Variants in ZNF106 observed in about 807,000 individuals in gnomAD.
ZNF106 encodes SH3-domain binding protein 3.
In ZNF106, 67 loss-of-function variants were observed where a neutral mutation model predicts 195.1. The observed-to-expected ratio is 0.34, with a 90% CI of 0.28 to 0.42. The LOEUF is 0.42. Ranked by LOEUF, ZNF106 falls within the 10% of genes least tolerant of loss-of-function variation. The pLI, the probability that ZNF106 is intolerant of heterozygous loss-of-function variation, is 1.00. For synonymous variants in ZNF106, 784 were observed against 818.6 expected, an observed-to-expected ratio of 0.96 and a Z score of 0.72; for missense variants, 2,118 against 2,304.5, an observed-to-expected ratio of 0.92 and a Z score of 1.66.
At chr15:42,474,800 A>G (rs1187665747) in intron 1 of ZNF106, among the ~76,000 whole-genome samples, 2 of 152,190 alleles carry the variant, frequency 1.3e-5, no homozygotes, top group Non-Finnish European at 2.9e-5. Flanking sequence ...TTAAGACTCA[A>G]CAATGGTTTA....
chr15:42,448,777 G>A, intron 5 of ZNF106, 72 bp from the exon 6 acceptor site: 1 of 1,470,680 alleles, frequency 6.8e-7, no homozygotes, highest in Non-Finnish European at 9.0e-7. Flanking sequence ...TTTTTAATGT[G>A]CCAGGCTCTC....
At chr15:42,473,020 A>C (rs1295946401) in intron 1 of ZNF106, among the ~76,000 whole-genome samples, 2 of 152,044 alleles carry the variant, frequency 1.3e-5, no homozygotes, top group African/African-American at 2.4e-5. Context: ...AAAAAAAAAA[A>C]AAACAAGTTT....
At chr15:42,437,653 T>C (rs1331529793) in intron 12 of ZNF106, among the ~76,000 whole-genome samples, 1 of 152,154 alleles carries the variant, frequency 6.6e-6, no homozygotes, top group Non-Finnish European at 1.5e-5. Context: ...ACACCTGTAA[T>C]CCCAGCACTT....
chr15:42,457,039 T>A lies in ZNF106; in HGVS notation c.236A>T (p.Asp79Val), dbSNP rs1405443437. Residue 79 changes from aspartate to valine, a missense_variant, in exon 4 of 22, where the codon GAT (aspartate) becomes GTT (valine). Coordinates refer to ENST00000564754, the MANE Select transcript of ZNF106 (RefSeq NM_001366845.3). ...DNVDAQEREDDGKGEEEEEDY... is the reference protein window; with the variant it reads ...DNVDAQEREDVGKGEEEEEDY... ...TTCTTCCTCTTCCTCTCCTTTTCCA[T>A]CATCTTCTCTTTCCTGGGCATCAAC... The A allele has an allele frequency of 3.1e-6, 5 of 1,610,210 alleles. No individual in the cohort carries two copies. The highest frequency in any genetic ancestry group is 4.2e-6 in the Non-Finnish European group (5 of 1,177,834).
At chr15:42,478,445 A>C (rs990060612) in intron 1 of ZNF106, among the ~76,000 whole-genome samples, 2 of 151,368 alleles carry the variant, frequency 1.3e-5, no homozygotes, top group Non-Finnish European at 2.9e-5. Flanking sequence ...TACAGGCATG[A>C]GCCACTGTGC....
chr15:42,429,577 T>C (rs1009873902), intron 14 of ZNF106, among the ~76,000 whole-genome samples: 1 of 152,000 alleles, frequency 6.6e-6, no homozygotes, highest in Non-Finnish European at 1.5e-5. Flanking sequence ...GTCAAATCCA[T>C]TGGTCTCGTC....
intron 14 of ZNF106, among the ~76,000 whole-genome samples, chr15:42,428,384 T>C (rs895536846): frequency 6.6e-6 from 1 of 152,236 alleles, no homozygotes; most frequent in Non-Finnish European, 1.5e-5. Context: ...ACTTAGAATG[T>C]AGAAATTCTT....
chr15:42,482,525 T>TG (rs2056922349), intron 1 of ZNF106, among the ~76,000 whole-genome samples: 1 of 133,972 alleles, frequency 7.5e-6, no homozygotes, highest in Non-Finnish European at 1.6e-5. Flanking sequence ...ATCTCCAGTT[T>TG]TTTTTTTTTT....
chr15:42,448,036 C>T (rs369007256), intron 6 of ZNF106, 36 bp downstream of exon 6: 15 of 1,558,560 alleles, frequency 9.6e-6, no homozygotes, highest in African/African-American at 2.7e-5. Flanking sequence ...TTGCCACATG[C>T]GATGTTCTAC....
At position 42,416,078 on chromosome 15, in the gene ZNF106, A is replaced by G. The variant is rs948781064; in HGVS notation, c.*1226T>C. 13 of 152,464 alleles carry G rather than the reference A, an allele frequency of 8.5e-5. No individual in the cohort carries two copies. Among genetic ancestry groups the G allele is most frequent in the African/African-American group, 3.1e-4 (13 of 41,436 alleles). 9.4% of individuals were successfully genotyped at this position (152,464 alleles called of 1,614,324 possible). ...CAGAAACAAAAGGCTGGAAAGCGACACTTCTACAGGTTTACTGATGAGTCC... is the reference window on the plus strand; with the variant it reads ...CAGAAACAAAAGGCTGGAAAGCGACGCTTCTACAGGTTTACTGATGAGTCC... On this transcript the variant is annotated 3_prime_UTR_variant, in exon 22 of 22. Transcript: ENST00000564754.
intron 7 of ZNF106, among the ~76,000 whole-genome samples, chr15:42,446,092 T>C (rs1479441662): frequency 1.3e-5 from 2 of 152,178 alleles, no homozygotes; most frequent in Non-Finnish European, 2.9e-5. Context: ...AGTGGTATAC[T>C]AACCTTGGCT....
At chr15:42,483,937 C>CCTCACTGT (rs1317928195) in intron 1 of ZNF106, among the ~76,000 whole-genome samples, 7 of 152,176 alleles carry the variant, frequency 4.6e-5, no homozygotes, top group Non-Finnish European at 1.0e-4. Context: ...AGGTCATACC[C>CCTCACTGT]CTCACTGTGC....
At chr15:42,437,411 T>C in intron 12 of ZNF106, 34 bp from the exon 13 acceptor site, 1 of 1,605,816 alleles carries the variant, frequency 6.2e-7, no homozygotes, top group Non-Finnish European at 8.5e-7. Context: ...GAGACATGTC[T>C]GCTAGAGTCT....
chr15:42,458,787 TTTTC>T lies in ZNF106; in HGVS notation c.117-1633_117-1630del, dbSNP rs570265809. Among the ~76,000 whole-genome samples, 1,163 of 151,378 alleles carry T rather than the reference TTTTC, an allele frequency of 7.7e-3. 13 individuals carry two copies. The highest frequency in any genetic ancestry group is 0.027 in the African/African-American group (1,118 of 41,348). On this transcript the variant is annotated intron_variant, in intron 3 of 21. Transcript: ENST00000564754. ...AGGTGTGCTGTTTTTTGGTAAGGTGTTTTCTTTTTTTTTTTAAATGAATATTCAG... is the reference window on the plus strand; with the variant it reads ...AGGTGTGCTGTTTTTTGGTAAGGTGTTTTTTTTTTTTAAATGAATATTCAG...
chr15:42,417,343 A>G lies in ZNF106; in HGVS notation c.5682T>C (p.Ile1894=), dbSNP rs2054494267. 2 of 1,614,156 alleles carry G rather than the reference A, an allele frequency of 1.2e-6. No homozygotes were observed. Among genetic ancestry groups the G allele is most frequent in the East Asian group, 4.5e-5 (2 of 44,886 alleles). The change falls in exon 22 of 22, where the codon ATT becomes ATC. Residue 1894 remains isoleucine (I), a synonymous_variant. Coordinates refer to ENST00000564754, the MANE Select transcript of ZNF106 (RefSeq NM_001366845.3). ...TGCTGTCATCTTCAGCATGTCGTTC[A>G]ATATGTCCTGCAGCATCCTAGGAAT... The part of the protein sequence containing the change: ...KGSKQDAAGH[I]ERHAEDDSKI...
intron 15 of ZNF106, among the ~76,000 whole-genome samples, chr15:42,425,253 TTATAAC>T (rs1445248774): frequency 6.6e-6 from 1 of 152,212 alleles, no homozygotes; most frequent in African/African-American, 2.4e-5. Context: ...ATAAACTCAT[TTATAAC>T]TTCAACCCAC....
intron 15 of ZNF106, chr15:42,425,389 C>T (rs145946263): frequency 8.3e-4 from 153 of 183,996 alleles, no homozygotes; most frequent in African/African-American, 3.4e-3. Context: ...TTCCCTGACA[C>T]CGACCCAGGA....
At chr15:42,420,343 CTTGA>C (rs2054613672) in intron 20 of ZNF106, among the ~76,000 whole-genome samples, 1 of 152,092 alleles carries the variant, frequency 6.6e-6, no homozygotes, top group South Asian at 2.1e-4. Context: ...ACTTAGCCCT[CTTGA>C]TTATTACATC....
intron 14 of ZNF106, among the ~76,000 whole-genome samples, chr15:42,428,488 G>A (rs1023867335): frequency 2.6e-5 from 4 of 152,078 alleles, no homozygotes; most frequent in African/African-American, 9.7e-5. Context: ...AGGAAAATCA[G>A]GATTATAGTT....
Sources: allele counts gnomAD v4.1 joint callset (sites outside exome capture counted in the v4.1 genomes callset), GRCh38; gene constraint gnomAD v4.1.1; transcripts MANE v1.5; gene names NCBI Gene and HGNC (gene_info 2026-07-23, HGNC 2026-07-21).